Variants in DLGAP2 observed in about 807,000 individuals in gnomAD.
DLGAP2 encodes DLG associated protein 2.
In DLGAP2, 26 loss-of-function variants were observed where a neutral mutation model predicts 100.3. The observed-to-expected ratio is 0.26, with a 90% confidence interval of 0.19 to 0.36. The LOEUF (loss-of-function observed/expected upper bound fraction) is 0.36. DLGAP2 is among the 10% of genes least tolerant of loss of function. The pLI, the probability that DLGAP2 is intolerant of heterozygous loss-of-function variation, is 1.00. For missense variants in DLGAP2, 1,858 were observed against 1,453.2 expected (o/e 1.28, Z -4.53); for synonymous variants, 886 against 630.1 (o/e 1.41, Z -6.08).
intron 3 of DLGAP2, among the ~76,000 whole-genome samples, chr8:1,263,969 C>A (rs150151409): frequency 7.9e-4 from 120 of 152,238 alleles, no homozygotes; most frequent in Middle Eastern, 6.8e-3. Flanking sequence ...GCCAGTCTGT[C>A]TTCTAGGACC....
chr8:1,261,654 A>T (rs1799353105), intron 3 of DLGAP2, among the ~76,000 whole-genome samples: 1 of 152,202 alleles, frequency 6.6e-6, no homozygotes, highest in East Asian at 1.9e-4. Context: ...CCCGTGTTTC[A>T]GATGTACGAG....
At chr8:931,694 C>T (rs1798962471) in intron 2 of DLGAP2, among the ~76,000 whole-genome samples, 1 of 152,168 alleles carries the variant, frequency 6.6e-6, no homozygotes. Context: ...CTGGTGGCCA[C>T]GCCCTGGCTC....
chr8:888,650 C>T (rs1243684008), intron 1 of DLGAP2, among the ~76,000 whole-genome samples: 2 of 150,468 alleles, frequency 1.3e-5, no homozygotes, highest in Non-Finnish European at 2.9e-5. Context: ...TGGGGTGCTG[C>T]AGTTTGCTGG....
At chr8:1,560,908 T>A (rs978315415) in intron 5 of DLGAP2, among the ~76,000 whole-genome samples, 1 of 152,188 alleles carries the variant, frequency 6.6e-6, no homozygotes, top group Non-Finnish European at 1.5e-5. Context: ...AGCTCTGCGG[T>A]GTCATCTGTG....
At chr8:1,068,798 C>A (rs1270487075) in intron 2 of DLGAP2, among the ~76,000 whole-genome samples, 3 of 151,730 alleles carry the variant, frequency 2.0e-5, no homozygotes, top group African/African-American at 7.3e-5. Flanking sequence ...GTGAGTGTTC[C>A]CAGGGAGACC....
rs1345956197 is a variant in DLGAP2, at chr8:1,668,667, A to G, written c.2149A>G (p.Ile717Val). Residue 717 changes from isoleucine to valine, a missense_variant, in exon 9 of 15, where the codon ATC (isoleucine) becomes GTC (valine). Physicochemically the swap from Ile to Val is conservative, Grantham distance 29 (BLOSUM62 3). Transcript: ENST00000637795. ...GCTCCTCAAGAGCCGCTGCTCCTCC[A>G]TCGGGATTCAGGTAGCTGCTCTTGG... ...EELLKSRCSS[I>V]GIQDSEFPEH... 2 of 1,554,064 alleles carry G rather than the reference A, an allele frequency of 1.3e-6. No homozygotes were observed. Among genetic ancestry groups the G allele is most frequent in the African/African-American group, 2.7e-5 (2 of 73,512 alleles).
At chr8:1,216,019 A>C (rs1157524640) in intron 2 of DLGAP2, among the ~76,000 whole-genome samples, 1 of 152,202 alleles carries the variant, frequency 6.6e-6, no homozygotes, top group Non-Finnish European at 1.5e-5. Flanking sequence ...GTCTAGGCTC[A>C]TGCAGTGCTT....
chr8:1,305,437 T>G (rs1021145905), intron 3 of DLGAP2, among the ~76,000 whole-genome samples: 3 of 152,194 alleles, frequency 2.0e-5, no homozygotes, highest in Non-Finnish European at 4.4e-5. Flanking sequence ...TTTCATGAGA[T>G]GTAAACTGCT....
intron 5 of DLGAP2, among the ~76,000 whole-genome samples, chr8:1,564,480 G>A (rs1180887628): frequency 2.6e-5 from 4 of 152,156 alleles, no homozygotes; most frequent in South Asian, 2.1e-4. Context: ...TTCAGTTCTC[G>A]AACAGTCAGA....
chr8:1,138,436 T>A (rs1204512253), intron 2 of DLGAP2, among the ~76,000 whole-genome samples: 2 of 152,224 alleles, frequency 1.3e-5, no homozygotes, highest in Non-Finnish European at 2.9e-5. Flanking sequence ...CTGTGCTTTC[T>A]GATCTGCCTC....
chr8:1,551,766 G>A (rs1011989349), intron 5 of DLGAP2, among the ~76,000 whole-genome samples: 3 of 140,600 alleles, frequency 2.1e-5, no homozygotes, highest in Admixed American at 1.4e-4. Flanking sequence ...AAATATGCCT[G>A]TGTTGATCTC....
chr8:1,011,967 A>G (rs1801302758), intron 2 of DLGAP2, among the ~76,000 whole-genome samples: 2 of 152,090 alleles, frequency 1.3e-5, no homozygotes, highest in African/African-American at 4.8e-5. Context: ...GTCTCGGCTC[A>G]CTCTAAATTC....
intron 2 of DLGAP2, among the ~76,000 whole-genome samples, chr8:1,185,634 A>C (rs770280583): frequency 6.6e-6 from 1 of 152,108 alleles, no homozygotes; most frequent in Non-Finnish European, 1.5e-5. Flanking sequence ...AAAGGACCAC[A>C]CAATTCCAAA....
At chr8:1,142,106 G>T (rs1219074176) in intron 2 of DLGAP2, among the ~76,000 whole-genome samples, 1 of 150,920 alleles carries the variant, frequency 6.6e-6, no homozygotes. Context: ...TGCCATTTTA[G>T]ACAATCGTTT....
At chr8:1,586,063 C>G (rs577726091) in intron 6 of DLGAP2, among the ~76,000 whole-genome samples, 1 of 152,346 alleles carries the variant, frequency 6.6e-6, no homozygotes, top group Non-Finnish European at 1.5e-5. Context: ...TAAAAACTGC[C>G]ACAAACTTAG....
intron 10 of DLGAP2, among the ~76,000 whole-genome samples, chr8:1,673,591 G>A (rs1181692020): frequency 6.6e-6 from 1 of 152,166 alleles, no homozygotes; most frequent in South Asian, 2.1e-4. Context: ...CTATTCACGT[G>A]ACCGTCCTTA....
chr8:1,691,659 GTAACCA>G, intron 13 of DLGAP2, 33 bp downstream of exon 13: 2 of 1,551,878 alleles, frequency 1.3e-6, no homozygotes, highest in Non-Finnish European at 1.8e-6. Flanking sequence ...CCTGTTCCCT[GTAACCA>G]AGCTAATGGG....
intron 3 of DLGAP2, among the ~76,000 whole-genome samples, chr8:1,270,662 G>C (rs368265809): frequency 6.6e-6 from 1 of 151,618 alleles, no homozygotes; most frequent in Non-Finnish European, 1.5e-5. Context: ...AAAATTGTGT[G>C]TCTCTGTGTG....
chr8:1,130,013 C>T lies in DLGAP2; in HGVS notation c.74-128838C>T, dbSNP rs892503166. 3.3e-5 allele frequency among the ~76,000 whole-genome samples: 5 copies of T among 152,154 alleles called. No individual in the cohort carries two copies. In the East Asian group the frequency reaches 5.8e-4, roughly 18 times the overall value. The stretch of plus-strand genomic sequence containing the variant: ...CTAATCATGGTCAAGGGATCCTGCG[C>T]GTGTAGCTCACGTCGGGCACTTCAC... On this transcript the variant is annotated intron_variant, in intron 2 of 14. Transcript: ENST00000637795.
Sources: allele counts gnomAD v4.1 joint callset (sites outside exome capture counted in the v4.1 genomes callset), GRCh38; gene constraint gnomAD v4.1.1; transcripts MANE v1.5; gene names NCBI Gene and HGNC (gene_info 2026-07-23, HGNC 2026-07-21).